The following TMEM135 variants were observed in gnomAD, a reference collection of about 807,000 sequenced individuals.
The protein encoded by TMEM135 is transmembrane protein 135.
TMEM135 carries 30 observed loss-of-function variants against 60.3 expected under a neutral mutation model. That is an observed-to-expected ratio of 0.50 (90% CI 0.37 to 0.68). The LOEUF is 0.68. TMEM135 is among the 30% of genes least tolerant of loss of function. The pLI, the probability that TMEM135 is intolerant of heterozygous loss-of-function variation, is 0.00. For missense variants in TMEM135, 468 were observed against 548.8 expected, an observed-to-expected ratio of 0.85 and a Z score of 1.47; for synonymous variants, 190 against 186.7, an observed-to-expected ratio of 1.02 and a Z score of -0.14.
intron 4 of TMEM135, among the ~76,000 whole-genome samples, chr11:87,137,936 T>C (rs1938148513): frequency 6.6e-6 from 1 of 152,088 alleles, no homozygotes; most frequent in African/African-American, 2.4e-5. Flanking sequence ...CCTGAATTAC[T>C]TACCAGCCCA....
chr11:87,219,509 C>T (rs925657717), intron 5 of TMEM135, among the ~76,000 whole-genome samples: 4 of 151,920 alleles, frequency 2.6e-5, no homozygotes, highest in East Asian at 1.9e-4. Flanking sequence ...AGAGTGAGAG[C>T]GAAAGAGCGA....
At chr11:87,046,501 G>T (rs2135109541) in intron 1 of TMEM135, among the ~76,000 whole-genome samples, 1 of 152,370 alleles carries the variant, frequency 6.6e-6, no homozygotes, top group Middle Eastern at 3.4e-3. Context: ...ATTAGGATAT[G>T]TAGAAGTTAG....
In TMEM135 at chr11:87,217,514, G is replaced by A. The variant is rs563427426; in HGVS notation, c.463-19124G>A. Among the ~76,000 whole-genome samples the A allele has an allele frequency of 7.2e-5, 11 of 152,288 alleles. No individual in the cohort carries two copies. In the East Asian group the frequency reaches 1.7e-3, roughly 24 times the overall value. ...TAAAAAGGGATTTGGGGCCGGGTGC[G>A]GTGGCTCCTGCCTGTAATCTCAGCA... On this transcript the variant is annotated intron_variant, in intron 5 of 14. Coordinates refer to ENST00000305494, the MANE Select transcript of TMEM135 (RefSeq NM_022918.4).
chr11:87,146,714 C>A (rs944876510), intron 4 of TMEM135, among the ~76,000 whole-genome samples: 2 of 152,144 alleles, frequency 1.3e-5, no homozygotes, highest in African/African-American at 2.4e-5. Context: ...CAATGTTTTA[C>A]GCCATCTAAC....
chr11:87,269,548 A>C (rs1451741179), intron 6 of TMEM135, among the ~76,000 whole-genome samples: 21 of 144,602 alleles, frequency 1.5e-4, no homozygotes, highest in Non-Finnish European at 1.1e-4. Flanking sequence ...TCCTGTGTCC[A>C]TGTGTTCTCA....
At chr11:87,129,361 GCCTC>G (rs1937840174) in intron 4 of TMEM135, among the ~76,000 whole-genome samples, 1 of 150,754 alleles carries the variant, frequency 6.6e-6, no homozygotes, top group African/African-American at 2.4e-5. Context: ...TCCTGTCTCA[GCCTC>G]CCTAATAGCT....
chr11:87,111,773 C>T (rs895857850), intron 4 of TMEM135, among the ~76,000 whole-genome samples: 6 of 151,938 alleles, frequency 3.9e-5, no homozygotes, highest in African/African-American at 1.4e-4. Flanking sequence ...TTGAAACATG[C>T]TCCCATACAT....
chr11:87,224,051 G>A (rs556724), intron 5 of TMEM135, among the ~76,000 whole-genome samples: 9,459 of 152,252 alleles, frequency 0.062, 387 homozygotes, highest in South Asian at 0.12. Context: ...CATATGCCCA[G>A]GGAACTGGTA....
chr11:87,185,447 G>C (rs1177019686), intron 5 of TMEM135, among the ~76,000 whole-genome samples: 1 of 151,920 alleles, frequency 6.6e-6, no homozygotes, highest in Non-Finnish European at 1.5e-5. Flanking sequence ...TTCTTTCTTG[G>C]TTCTCTGTAT....
At position 87,313,494 on chromosome 11, in the gene TMEM135, G is replaced by A; in HGVS notation, c.1000+6G>A. 1 of 1,607,674 alleles carries A rather than the reference G, an allele frequency of 6.2e-7. No individual in the cohort carries two copies. Among genetic ancestry groups the A allele is most frequent in the East Asian group, 2.2e-5 (1 of 44,690 alleles). On this transcript the variant is annotated splice_donor_region_variant and intron_variant, in intron 11 of 14. Coordinates refer to ENST00000305494, the MANE Select transcript of TMEM135 (RefSeq NM_022918.4). ...ACTACATGCTATTATAGCTGGTAAA[G>A]CAATAATAAAAATGAATGGTTATTA...
Position 87,157,204 on chromosome 11 carries a change from C to G in TMEM135, c.397-137C>G, listed in dbSNP as rs893858167. 50 of 755,558 alleles carry G rather than the reference C, an allele frequency of 6.6e-5. No individual in the cohort carries two copies. The African/African-American group carries it at 7.2e-4, about 11-fold the overall frequency. The allele number at this position is 755,558 out of a possible 1,614,324, so 46.8% of individuals were successfully genotyped here. The stretch of plus-strand genomic sequence containing the variant: ...GAGTAGCTAGGACTATAGGCATATA[C>G]AACTTATTGATCGTTCTCTAGAAGT... On this transcript the variant is annotated intron_variant, in intron 4 of 14. Transcript: ENST00000305494.
At chr11:87,258,223 A>G (rs899379427) in intron 6 of TMEM135, among the ~76,000 whole-genome samples, 1 of 131,242 alleles carries the variant, frequency 7.6e-6, no homozygotes, top group Non-Finnish European at 1.8e-5. Context: ...AATCACTTTT[A>G]ATATTTAAAT....
In TMEM135 at chr11:87,318,288, C is replaced by T. The variant is rs139979692; in HGVS notation, c.1176+53C>T. Reference sequence around the variant, plus strand: ...TTGAATGATTCCTGTTTCTAATGTACGTTAATCAAATGGGAGAGAAACAAA... The same window carrying T: ...TTGAATGATTCCTGTTTCTAATGTATGTTAATCAAATGGGAGAGAAACAAA... On this transcript the variant is annotated intron_variant, in intron 13 of 14. Coordinates refer to ENST00000305494, the MANE Select transcript of TMEM135 (RefSeq NM_022918.4). 4.3e-3 allele frequency: 5,326 copies of T among 1,244,844 alleles called. 22 individuals are homozygous for T. The highest frequency in any genetic ancestry group is 6.8e-3 in the Middle Eastern group (36 of 5,328). The allele number at this position is 1,244,844 out of a possible 1,614,324, so 77.1% of individuals were successfully genotyped here.
At chr11:87,299,103 C>G (rs1381873786) in intron 7 of TMEM135, among the ~76,000 whole-genome samples, 3 of 151,906 alleles carry the variant, frequency 2.0e-5, no homozygotes, top group African/African-American at 7.3e-5. Flanking sequence ...AAAAACAAAA[C>G]CAAAACCAAA....
intron 5 of TMEM135, among the ~76,000 whole-genome samples, chr11:87,216,312 A>C (rs118048854): frequency 6.6e-6 from 1 of 152,252 alleles, no homozygotes; most frequent in East Asian, 1.9e-4. Context: ...ACTACAAGTT[A>C]AGTGCATGGT....
intron 6 of TMEM135, among the ~76,000 whole-genome samples, chr11:87,238,423 A>T (rs1245204877): frequency 1.3e-5 from 2 of 152,042 alleles, no homozygotes; most frequent in African/African-American, 4.8e-5. Flanking sequence ...GAGTCAAGGT[A>T]GGGAGGACTT....
chr11:87,191,987 C>CTTTTTTTTTTTTTTTTTTT (rs200969171), intron 5 of TMEM135, among the ~76,000 whole-genome samples: 3 of 77,188 alleles, frequency 3.9e-5, no homozygotes, highest in African/African-American at 5.9e-5. Flanking sequence ...CTTTTCTTTT[C>CTTTTTTTTTTTTTTTTTTT]TTTTTTTTTT....
chr11:87,255,724 C>A (rs1310211658), intron 6 of TMEM135, among the ~76,000 whole-genome samples: 1 of 151,950 alleles, frequency 6.6e-6, no homozygotes, highest in African/African-American at 2.4e-5. Context: ...ATGCAGTTGG[C>A]CTTCTTTCTT....
intron 5 of TMEM135, among the ~76,000 whole-genome samples, chr11:87,212,759 G>T (rs2135344905): frequency 6.6e-6 from 1 of 150,878 alleles, no homozygotes; most frequent in East Asian, 2.0e-4. Flanking sequence ...AGAAGCGGAG[G>T]TTGTAGTGAG....
Sources: allele counts gnomAD v4.1 joint callset (sites outside exome capture counted in the v4.1 genomes callset), GRCh38; gene constraint gnomAD v4.1.1; transcripts MANE v1.5; gene names NCBI Gene and HGNC (gene_info 2026-07-23, HGNC 2026-07-21).